The following DLG2 variants were observed in gnomAD, a reference collection of about 807,000 sequenced individuals.
The protein encoded by DLG2 is disks large homolog 2.
In DLG2, 45 loss-of-function variants were observed where a neutral mutation model predicts 132.5. The ratio of observed to expected loss-of-function variants is 0.34; its 90% CI spans 0.27 to 0.44. The LOEUF is 0.44. DLG2 is among the 20% of genes least tolerant of loss of function. DLG2 has a pLI of 1.00. For synonymous variants in DLG2, 424 were observed against 419.6 expected (o/e 1.01, Z -0.13); for missense variants, 1,045 against 1,196.9 (o/e 0.87, Z 1.87).
At chr11:83,893,568 G>T (rs949982946) in intron 15 of DLG2, among the ~76,000 whole-genome samples, 1 of 152,156 alleles carries the variant, frequency 6.6e-6, no homozygotes, top group Non-Finnish European at 1.5e-5. Context: ...TCTAGCTAAA[G>T]GTGTTCCATT....
chr11:84,823,054 T>C (rs958813275), intron 6 of DLG2, among the ~76,000 whole-genome samples: 1 of 151,906 alleles, frequency 6.6e-6, no homozygotes, highest in African/African-American at 2.4e-5. Flanking sequence ...TAAAAATGCA[T>C]GTATGTAAAA....
At chr11:84,316,672 C>CA (rs1567270725) in intron 7 of DLG2, among the ~76,000 whole-genome samples, 3 of 152,152 alleles carry the variant, frequency 2.0e-5, no homozygotes, top group Non-Finnish European at 4.4e-5. Context: ...AGCCCACAAA[C>CA]ATGTGTGAAA....
At chr11:84,693,962 C>A (rs930434336) in intron 6 of DLG2, among the ~76,000 whole-genome samples, 1 of 151,512 alleles carries the variant, frequency 6.6e-6, no homozygotes, top group Non-Finnish European at 1.5e-5. Flanking sequence ...TTGTTCATGG[C>A]GCCATGATTA....
chr11:83,889,686 A>G (rs1403505531), intron 15 of DLG2, among the ~76,000 whole-genome samples: 1 of 152,136 alleles, frequency 6.6e-6, no homozygotes, highest in Non-Finnish European at 1.5e-5. Context: ...ACTATTCACA[A>G]TAGCAAAGAC....
chr11:84,679,344 T>A (rs1451974558), intron 6 of DLG2, among the ~76,000 whole-genome samples: 1 of 152,078 alleles, frequency 6.6e-6, no homozygotes, highest in Non-Finnish European at 1.5e-5. Flanking sequence ...TTTTCAGGAA[T>A]GTTTGCAAAT....
chr11:85,311,911 A>G (rs1164921414), intron 3 of DLG2, among the ~76,000 whole-genome samples: 1 of 152,068 alleles, frequency 6.6e-6, no homozygotes, highest in African/African-American at 2.4e-5. Flanking sequence ...TGCTGCCAAG[A>G]ACCACAAAAT....
chr11:83,517,782 T>G (rs2095346770), intron 21 of DLG2, among the ~76,000 whole-genome samples: 1 of 152,086 alleles, frequency 6.6e-6, no homozygotes, highest in African/African-American at 2.4e-5. Flanking sequence ...TTGCCGGAGG[T>G]CCACTCCAGA....
At chr11:84,890,882 C>T (rs567749026) in intron 6 of DLG2, 1 of 152,372 alleles carries the variant, frequency 6.6e-6, no homozygotes, top group South Asian at 2.1e-4. Context: ...ATACTCTGCA[C>T]ATGTCATGCT....
intron 6 of DLG2, among the ~76,000 whole-genome samples, chr11:84,755,153 G>T (rs1031515981): frequency 6.6e-6 from 1 of 152,144 alleles, no homozygotes; most frequent in African/African-American, 2.4e-5. Flanking sequence ...GAGACCGGAA[G>T]AACCCTAGAT....
At chr11:85,333,859 T>C (rs1362901406) in intron 3 of DLG2, among the ~76,000 whole-genome samples, 3 of 152,016 alleles carry the variant, frequency 2.0e-5, no homozygotes, top group Non-Finnish European at 4.4e-5. Flanking sequence ...TTTGCACCTA[T>C]GTTTACCTGG....
intron 3 of DLG2, 31 bp from the exon 4 acceptor site, chr11:85,285,396 A>G (rs143855296): frequency 2.7e-4 from 433 of 1,599,356 alleles, no homozygotes; most frequent in Admixed American, 1.7e-3. Context: ...AAGCATCAAA[A>G]TGTAATGCAT....
In DLG2 at chr11:84,939,032, A is replaced by G. The variant is rs1359506324; in HGVS notation, c.357+172629T>C. On this transcript the variant is annotated intron_variant, in intron 6 of 27. Coordinates refer to ENST00000376104, the MANE Select transcript of DLG2 (RefSeq NM_001142699.3). ...GTTCAAAAGGAGATAAATTAGAAAG[A>G]TAAATACATAAGATAAAACAATATG... Among the ~76,000 whole-genome samples the G allele has an allele frequency of 2.0e-5, 3 of 152,298 alleles. No homozygotes were observed. In the East Asian group the frequency reaches 5.8e-4, roughly 29 times the overall value.
intron 6 of DLG2, among the ~76,000 whole-genome samples, chr11:84,793,143 G>A (rs559323125): frequency 6.6e-6 from 1 of 151,946 alleles, no homozygotes; most frequent in Non-Finnish European, 1.5e-5. Flanking sequence ...AAAATTTTCG[G>A]TTTCCTTCTA....
chr11:84,998,652 T>C (rs1398795984), intron 6 of DLG2, among the ~76,000 whole-genome samples: 4 of 152,144 alleles, frequency 2.6e-5, no homozygotes, highest in Non-Finnish European at 5.9e-5. Context: ...TCTGAGCAGG[T>C]ACGTAAAGTA....
chr11:85,583,854 G>A (rs1392752686), intron 3 of DLG2, among the ~76,000 whole-genome samples: 1 of 152,132 alleles, frequency 6.6e-6, no homozygotes. Context: ...GTGTATTGGG[G>A]TTGCAAATCT....
At position 84,284,182 on chromosome 11, in the gene DLG2, C is replaced by T. The variant is rs148487846; in HGVS notation, c.520-32891G>A. Among the ~76,000 whole-genome samples the T allele has an allele frequency of 2.9e-3, 442 of 152,176 alleles. 1 individual carries two copies. The highest frequency in any genetic ancestry group is 0.01 in the African/African-American group (416 of 41,534). On this transcript the variant is annotated intron_variant, in intron 7 of 27. Transcript: ENST00000376104. ...CCAGGAGGCAGAGGTTGCGGTGAGCCGAGATCGCACCATTGCAATCCAGCC... is the reference window on the plus strand; with the variant it reads ...CCAGGAGGCAGAGGTTGCGGTGAGCTGAGATCGCACCATTGCAATCCAGCC...
chr11:84,796,192 G>A (rs920711161), intron 6 of DLG2, among the ~76,000 whole-genome samples: 3 of 152,174 alleles, frequency 2.0e-5, no homozygotes, highest in African/African-American at 7.2e-5. Flanking sequence ...TTGTATGCCT[G>A]TATCAAAACA....
In DLG2 at chr11:85,170,264, C is replaced by T. The variant is rs75000160; in HGVS notation, c.187-15613G>A. ...GAGAGGAGAAGGAACTTCAGTAAGG[C>T]CTGTTTGTTCAGATTTTTTCCTGTG... On this transcript the variant is annotated intron_variant, in intron 4 of 27. Transcript: ENST00000376104. 9.5e-3 allele frequency among the ~76,000 whole-genome samples: 1,449 copies of T among 152,150 alleles called. 21 individuals are homozygous for T. Among genetic ancestry groups the T allele is most frequent in the African/African-American group, 0.032 (1,309 of 41,508 alleles).
chr11:83,467,884 C>A, intron 25 of DLG2, among the ~76,000 whole-genome samples: 1 of 132,400 alleles, frequency 7.6e-6, no homozygotes, highest in Non-Finnish European at 1.6e-5. Flanking sequence ...GGGTTAAATG[C>A]CAAGAGAGAA....
Sources: gnomAD v4.1 joint callset for allele counts (sites outside exome capture counted in the v4.1 genomes callset) on GRCh38, gnomAD v4.1.1 for gene constraint, MANE v1.5 for transcripts, NCBI Gene and HGNC (gene_info 2026-07-23, HGNC 2026-07-21) for gene names.